Variants in UBAP2 observed in about 807,000 individuals in gnomAD.
The protein encoded by UBAP2 is ubiquitin-associated protein 2.
UBAP2 carries 75 observed loss-of-function variants against 139.6 expected under a neutral mutation model. The ratio of observed to expected loss-of-function variants is 0.54; its 90% CI spans 0.45 to 0.65. UBAP2 has a LOEUF of 0.65. Among genes scored for constraint, UBAP2 ranks in the 30% least tolerant of loss-of-function variants. The pLI is 0.00. For missense variants in UBAP2, 1,368 were observed against 1,369.6 expected (o/e 1.00, Z 0.02); for synonymous variants, 526 against 526.2 (o/e 1.00, Z 0.01).
chr9:33,977,993 C>T (rs1484609513), intron 6 of UBAP2, among the ~76,000 whole-genome samples: 13 of 134,896 alleles, frequency 9.6e-5, no homozygotes, highest in Non-Finnish European at 1.6e-4. Context: ...CCAGCCTGGG[C>T]GACAGAGCGA....
intron 6 of UBAP2, among the ~76,000 whole-genome samples, chr9:33,978,708 A>G (rs924344299): frequency 1.3e-5 from 2 of 152,086 alleles, no homozygotes; most frequent in African/African-American, 4.8e-5. Context: ...TGAACCCAGG[A>G]GGGGGAGCGT....
Position 33,948,259 on chromosome 9 carries a change from T to C in UBAP2, c.1270+115A>G, listed in dbSNP as rs182489443. 1.9e-4 allele frequency: 162 copies of C among 863,518 alleles called. 2 individuals carry two copies. In the East Asian group the frequency reaches 4.1e-3, roughly 22 times the overall value. The allele number at this position is 863,518 out of a possible 1,614,324, so 53.5% of individuals were successfully genotyped here. A position where few individuals can be genotyped will look rare whatever the true frequency, so the allele number is the denominator to read the frequency against. On this transcript the variant is annotated intron_variant, in intron 13 of 28. Transcript: ENST00000379238. ...TTTAACTGAGAAACTGCAAGAGTTC[T>C]ACTAAAAAGAAACATCTCTGGACAA...
chr9:34,009,533 T>C (rs914576128), intron 2 of UBAP2, among the ~76,000 whole-genome samples: 8 of 152,090 alleles, frequency 5.3e-5, no homozygotes, highest in Non-Finnish European at 1.0e-4. Context: ...GTGTTGAGAT[T>C]ACAGGTGTTA....
intron 10 of UBAP2, among the ~76,000 whole-genome samples, chr9:33,960,212 G>A (rs1349285109): frequency 6.6e-6 from 1 of 151,882 alleles, no homozygotes; most frequent in South Asian, 2.1e-4. Context: ...GTGCTGTTGT[G>A]AGTCACTACG....
chr9:33,974,603 T>G (rs1410393727), intron 6 of UBAP2, among the ~76,000 whole-genome samples: 1 of 151,446 alleles, frequency 6.6e-6, no homozygotes, highest in African/African-American at 2.4e-5. Context: ...GATCACAGAG[T>G]AACATCTGGA....
intron 6 of UBAP2, among the ~76,000 whole-genome samples, chr9:33,980,476 C>T (rs965261987): frequency 4.6e-5 from 7 of 151,190 alleles, no homozygotes; most frequent in African/African-American, 1.7e-4. Flanking sequence ...CTCCTGACCT[C>T]GTGATCTGCC....
At chr9:33,933,756 C>T (rs1824209585) in intron 17 of UBAP2, 128 bp from the exon 18 acceptor site, 1 of 1,350,064 alleles carries the variant, frequency 7.4e-7, no homozygotes, top group Admixed American at 2.3e-5. Flanking sequence ...AAGTTACATT[C>T]CCCAGGAAAA....
intron 2 of UBAP2, among the ~76,000 whole-genome samples, chr9:34,007,784 A>G (rs1171141203): frequency 6.6e-6 from 1 of 151,086 alleles, no homozygotes; most frequent in Admixed American, 6.6e-5. Context: ...GACTACAGGC[A>G]CCCGCCACCA....
chr9:33,957,756 T>C (rs923138784), intron 10 of UBAP2, among the ~76,000 whole-genome samples: 2 of 152,168 alleles, frequency 1.3e-5, no homozygotes, highest in Admixed American at 6.5e-5. Context: ...ATAATTCTTA[T>C]CAACTCTAAA....
At chr9:33,925,562 G>A (rs1250183167) in intron 22 of UBAP2, among the ~76,000 whole-genome samples, 1 of 152,192 alleles carries the variant, frequency 6.6e-6, no homozygotes, top group African/African-American at 2.4e-5. Context: ...GAATCCCGGG[G>A]CTCAGCACCA....
At chr9:33,966,407 G>A (rs894130403) in intron 8 of UBAP2, among the ~76,000 whole-genome samples, 1 of 151,838 alleles carries the variant, frequency 6.6e-6, no homozygotes, top group Non-Finnish European at 1.5e-5. Context: ...AGTGAGTTGA[G>A]ATCGCAACAC....
In UBAP2 at chr9:33,950,178, G is replaced by C. The variant is rs565592179; in HGVS notation, c.1057-1591C>G. Among the ~76,000 whole-genome samples the C allele has an allele frequency of 2.0e-5, 3 of 152,202 alleles. No homozygotes were observed. In the East Asian group the frequency reaches 5.8e-4, roughly 29 times the overall value. ...CCTCCCAGGTTCACTCCATTCTCCT[G>C]CCTCAGCCTCCCGAGTAGCTGGGAC... On this transcript the variant is annotated intron_variant, in intron 12 of 28. Coordinates refer to ENST00000379238, the MANE Select transcript of UBAP2 (RefSeq NM_001370062.2).
intron 1 of UBAP2, among the ~76,000 whole-genome samples, chr9:34,032,802 TA>T (rs1826000084): frequency 6.6e-6 from 1 of 151,026 alleles, no homozygotes; most frequent in Non-Finnish European, 1.5e-5. Flanking sequence ...CACGCACCTG[TA>T]ATCTCAGCTA....
intron 1 of UBAP2, among the ~76,000 whole-genome samples, chr9:34,023,597 C>T (rs940345205): frequency 1.3e-5 from 2 of 152,156 alleles, no homozygotes; most frequent in African/African-American, 4.8e-5. Context: ...TAAATAATGA[C>T]CCGGTTGCAT....
chr9:34,017,876 G>A (rs1056372959), intron 1 of UBAP2, among the ~76,000 whole-genome samples: 5 of 151,508 alleles, frequency 3.3e-5, no homozygotes, highest in Non-Finnish European at 7.4e-5. Context: ...GCAGTCAGCC[G>A]AGATCGCGTC....
chr9:33,923,411 G>A lies in UBAP2; in HGVS notation c.2864C>T (p.Ala955Val). 9 of 1,614,168 alleles carry A rather than the reference G, an allele frequency of 5.6e-6. No individual in the cohort carries two copies. Among genetic ancestry groups the A allele is most frequent in the Non-Finnish European group, 6.8e-6 (8 of 1,180,022 alleles). Residue 955 changes from alanine to valine, a missense_variant, in exon 25 of 29, where the codon GCC (alanine) becomes GTC (valine). Transcript: ENST00000379238. ...GTAGCCGTGCTGGCCATAACCACTG[G>A]CCTGCTGGAAGGGAGGTGTGGGAGT... is the stretch of plus-strand genomic sequence containing the variant. ...LSTPTPPFQQASGYGQHGYST... is the reference protein window; with the variant it reads ...LSTPTPPFQQVSGYGQHGYST...
chr9:34,038,990 G>A (rs1447543348), intron 1 of UBAP2, among the ~76,000 whole-genome samples: 2 of 150,738 alleles, frequency 1.3e-5, no homozygotes, highest in Non-Finnish European at 3.0e-5. Flanking sequence ...TGGGAGTTGA[G>A]GAGCGTCTCT....
chr9:33,974,399 C>T (rs1215068846), intron 6 of UBAP2, among the ~76,000 whole-genome samples: 3 of 151,988 alleles, frequency 2.0e-5, no homozygotes, highest in African/African-American at 7.3e-5. Context: ...CCCAACTACT[C>T]GGAAGGCTGA....
chr9:33,957,343 A>G (rs943187574), intron 10 of UBAP2, among the ~76,000 whole-genome samples: 7 of 152,158 alleles, frequency 4.6e-5, no homozygotes, highest in African/African-American at 1.7e-4. Flanking sequence ...CCATCACCAC[A>G]ATTAGGACGG....
Sources: allele counts gnomAD v4.1 joint callset (sites outside exome capture counted in the v4.1 genomes callset), GRCh38; gene constraint gnomAD v4.1.1; transcripts MANE v1.5; gene names NCBI Gene and HGNC (gene_info 2026-07-23, HGNC 2026-07-21).